COL5A3: variants seen among roughly 807,000 people sequenced by gnomAD.
COL5A3 encodes collagen alpha-3(V) chain.
COL5A3 carries 172 observed loss-of-function variants against 250.0 expected under a neutral mutation model. The ratio of observed to expected loss-of-function variants is 0.69; its 90% CI spans 0.61 to 0.78. COL5A3 has a LOEUF of 0.78. Ranked by LOEUF, COL5A3 falls within the 30% of genes least tolerant of loss-of-function variation. COL5A3 has a pLI of 0.00. For missense variants in COL5A3, 2,340 were observed against 2,334.4 expected (o/e 1.00, Z -0.05); for synonymous variants, 937 against 900.4 (o/e 1.04, Z -0.73).
In COL5A3 at chr19:9,967,984, C is replaced by T. The variant is rs538640420; in HGVS notation, c.4368+42G>A. On this transcript the variant is annotated intron_variant, in intron 60 of 66. Coordinates refer to ENST00000264828, the MANE Select transcript of COL5A3 (RefSeq NM_015719.4). Reference sequence around the variant, plus strand: ...AGAGCTGAGGTCCTGGCCTGGACCACCACAGTGACCTCATCCCACAAAAGA... The same window carrying T: ...AGAGCTGAGGTCCTGGCCTGGACCATCACAGTGACCTCATCCCACAAAAGA... 1.0e-4 allele frequency: 161 copies of T among 1,590,150 alleles called. 2 individuals carry two copies. In the South Asian group the frequency reaches 1.7e-3, roughly 17 times the overall value.
chr19:9,976,626 A>G lies in COL5A3; in HGVS notation c.3289-15T>C, dbSNP rs1599542141. ...CCAGGTGGGCCCTGGGAGAACAGGA[A>G]ACAGAATCAAAAATTCCCTCAGGTT... is the stretch of plus-strand genomic sequence containing the variant. On this transcript the variant is annotated splice_polypyrimidine_tract_variant and intron_variant, in intron 44 of 66. Coordinates refer to ENST00000264828, the MANE Select transcript of COL5A3 (RefSeq NM_015719.4). The G allele has an allele frequency of 1.3e-6, 2 of 1,571,012 alleles. No homozygotes were observed. The highest frequency in any genetic ancestry group is 2.4e-5 in the East Asian group (1 of 41,988).
At chr19:9,988,874 A>G (rs2087145839) in intron 27 of COL5A3, among the ~76,000 whole-genome samples, 1 of 150,528 alleles carries the variant, frequency 6.6e-6, no homozygotes, top group Admixed American at 6.6e-5. Context: ...TAAAGAAAAG[A>G]AAAGGAAAAA....
rs1480340347 is a variant in COL5A3 at position 9,996,744 on chromosome 19, GC to G, written c.1264-56del. ...AGACAGGGAGAGAGGGAGAGAGAGA[GC>G]GAGGACAGGGGAGGCACAGAAGGAT... On this transcript the variant is annotated intron_variant, in intron 11 of 66. Transcript: ENST00000264828. 5 of 1,398,550 alleles carry G rather than the reference GC, an allele frequency of 3.6e-6. No individual in the cohort carries two copies. In the East Asian group the frequency reaches 1.2e-4, roughly 34 times the overall value. The allele number at this position is 1,398,550 out of a possible 1,614,324, so 86.6% of individuals were successfully genotyped here. A position where few individuals can be genotyped will look rare whatever the true frequency, so the allele number is the denominator to read the frequency against.
intron 64 of COL5A3, among the ~76,000 whole-genome samples, chr19:9,965,041 T>C (rs907971657): frequency 4.6e-5 from 7 of 151,644 alleles, no homozygotes; most frequent in Non-Finnish European, 4.4e-5. Flanking sequence ...AGAGACAGAC[T>C]CTGTCTCACA....
rs1468058957 is a variant in COL5A3 at position 10,005,994 on chromosome 19, G to GCAGAGGGAACAAGGCAGCT, written c.248-28_248-10dup. ...CTCAGGAAAGTGGCCTTCTGGGTGGGCAGAGGGAACAAGGCAGCTCAGAGG... is the reference window on the plus strand; with the variant it reads ...CTCAGGAAAGTGGCCTTCTGGGTGGGCAGAGGGAACAAGGCAGCTCAGAGGGAACAAGGCAGCTCAGAGG... On this transcript the variant is annotated splice_polypyrimidine_tract_variant and intron_variant, in intron 2 of 66. Transcript: ENST00000264828. The GCAGAGGGAACAAGGCAGCT allele has an allele frequency of 6.2e-7, 1 of 1,612,588 alleles. No individual in the cohort carries two copies. The highest frequency in any genetic ancestry group is 8.5e-7 in the Non-Finnish European group (1 of 1,178,802).
intron 65 of COL5A3, 63 bp from the exon 66 acceptor site, chr19:9,960,953 C>T (rs961905595): frequency 1.9e-6 from 3 of 1,576,326 alleles, no homozygotes; most frequent in African/African-American, 1.3e-5. Context: ...GCAGAAGCCA[C>T]CCCCTGGAAT....
chr19:10,007,701 G>A (rs548974563), intron 1 of COL5A3, among the ~76,000 whole-genome samples: 123 of 152,340 alleles, frequency 8.1e-4, no homozygotes, highest in African/African-American at 1.8e-3. Flanking sequence ...GCTGGGGCGG[G>A]GGGGCTAAGA....
intron 45 of COL5A3, 149 bp from the exon 46 acceptor site, chr19:9,974,557 A>G (rs36094530): frequency 0.2 from 115,995 of 571,468 alleles, 12,675 homozygotes; most frequent in South Asian, 0.33. Flanking sequence ...GTTGGGGTCT[A>G]GGTTAAGGAA....
In COL5A3 at chr19:9,969,630, C is replaced by T; in HGVS notation, c.4043G>A (p.Arg1348Lys). 1.3e-6 allele frequency: 2 copies of T among 1,594,600 alleles called. No individual in the cohort carries two copies. The highest frequency in any genetic ancestry group is 2.3e-5 in the South Asian group (2 of 87,960). Residue 1348 changes from arginine to lysine, a missense_variant, in exon 56 of 67, where the codon AGA (arginine) becomes AAA (lysine). By Grantham distance (26) the Arg-to-Lys change is conservative (BLOSUM62 2). This residue lies in a region of COL5A3 where 1,179 missense variants were observed against 1,162.6 expected (regional missense o/e 1.01). Transcript: ENST00000264828. ...AGGCCCCACACGTCCAGGGGGCCCT[C>T]TAGCCCCCATTGGACCCGTCCTCCC... ...PPGRTGPMGA[R>K]GPPGRVGPEG...
intron 8 of COL5A3, among the ~76,000 whole-genome samples, chr19:10,000,450 C>CTTTTTTTTT (rs2087343590): frequency 1.0e-5 from 1 of 95,758 alleles, no homozygotes; most frequent in African/African-American, 4.0e-5. Flanking sequence ...AGCCAGAGAG[C>CTTTTTTTTT]TCTTTTTTTT....
chr19:9,986,210 G>A lies in COL5A3; in HGVS notation c.2352+105C>T, dbSNP rs2087097450. On this transcript the variant is annotated intron_variant, in intron 30 of 66. Coordinates refer to ENST00000264828, the MANE Select transcript of COL5A3 (RefSeq NM_015719.4). ...TGAGGAATTAAAGATGACAAGGTTGGTAGCAACCTCCTGAGGTCGAAGGTA... is the reference window on the plus strand; with the variant it reads ...TGAGGAATTAAAGATGACAAGGTTGATAGCAACCTCCTGAGGTCGAAGGTA... 50 of 775,864 alleles carry A rather than the reference G, an allele frequency of 6.4e-5. No individual in the cohort carries two copies. The South Asian group carries it at 8.4e-4, about 13-fold the overall frequency. The allele number at this position is 775,864 out of a possible 1,614,324, so 48.1% of individuals were successfully genotyped here.
chr19:9,976,591 C>T lies in COL5A3; in HGVS notation c.3309G>A (p.Gly1103=). 5 of 1,569,700 alleles carry T rather than the reference C, an allele frequency of 3.2e-6. No homozygotes were observed. The highest frequency in any genetic ancestry group is 4.3e-6 in the Non-Finnish European group (5 of 1,164,208). ...KGDAGPPGQP[G]IRGPAGHPGP... is the part of the protein sequence containing the mutation. ...CTGGGTGTCCTGCAGGACCCCGTAT[C>T]CCTGGTTGTCCAGGTGGGCCCTGGG... is the stretch of plus-strand genomic sequence containing the variant. The change falls in exon 45 of 67, where the codon GGG becomes GGA. Residue 1103 remains glycine, a synonymous_variant. Transcript: ENST00000264828.
At chr19:9,988,984 G>T (rs751633136) in intron 27 of COL5A3, 140 bp downstream of exon 27, 10 of 830,300 alleles carry the variant, frequency 1.2e-5, no homozygotes, top group Non-Finnish European at 2.0e-5. Context: ...TGGCTGTGCA[G>T]CTCCAAACCC....
chr19:9,973,010 A>G lies in COL5A3; in HGVS notation c.3683T>C (p.Ile1228Thr). 6.2e-7 allele frequency: 1 copy of G among 1,609,100 alleles called. No individual in the cohort carries two copies. Among genetic ancestry groups the G allele is most frequent in the Non-Finnish European group, 8.5e-7 (1 of 1,177,776 alleles). ...TGGGCCTGAGTCCCCCTTTTCACCA[A>G]TGTCTCCCTTGGGCCCCTTTACAGA... The part of the protein sequence containing the change: ...APGIPGPKGD[I>T]GEKGDSGPSG... The change falls in exon 51 of 67, where the codon ATT becomes ACT. Residue 1228 changes from isoleucine to threonine, a missense_variant. Physicochemically the swap from Ile to Thr is moderately conservative, Grantham distance 89 (BLOSUM62 -1). Coordinates refer to ENST00000264828, the MANE Select transcript of COL5A3 (RefSeq NM_015719.4).
At chr19:9,997,324 A>C (rs771525704) in intron 11 of COL5A3, 47 bp downstream of exon 11, 1 of 1,455,518 alleles carries the variant, frequency 6.9e-7, no homozygotes, top group South Asian at 1.2e-5. Context: ...TCCCAGCCCC[A>C]AACCTCACTC....
rs532980330 is a variant in COL5A3 at position 9,996,216 on chromosome 19, G to C, written c.1469C>G (p.Pro490Arg). Residue 490 changes from proline to arginine, a missense_variant, in exon 14 of 67, where the codon CCA becomes CGA. Pro to Arg is a moderately radical substitution (Grantham distance 103). Around this residue, in one of 3 missense-constraint regions of COL5A3, gnomAD observed 1,152 missense variants for 1,146.3 expected, o/e 1.00. Transcript: ENST00000264828. ...PPGPVGLTGR[P>R]GPVGLPGHPG... ...AGTCGCCTTACTCACCACAGGGCCT[G>C]GGCGCCCAGTGAGCCCCACTGGACC... is the stretch of plus-strand genomic sequence containing the variant. 6.3e-7 allele frequency: 1 copy of C among 1,575,724 alleles called. No individual in the cohort carries two copies. Among genetic ancestry groups the C allele is most frequent in the Non-Finnish European group, 8.6e-7 (1 of 1,163,194 alleles).
intron 45 of COL5A3, among the ~76,000 whole-genome samples, chr19:9,975,863 T>C (rs1209743313): frequency 2.0e-5 from 3 of 149,368 alleles, no homozygotes; most frequent in Non-Finnish European, 4.4e-5. Flanking sequence ...GAGTTCATAT[T>C]GGGTGTCGGT....
intron 21 of COL5A3, among the ~76,000 whole-genome samples, chr19:9,992,557 A>G (rs1018891776): frequency 1.3e-5 from 2 of 152,184 alleles, no homozygotes; most frequent in African/African-American, 4.8e-5. Flanking sequence ...TGGGAGGACC[A>G]CTTGAGGCCA....
chr19:9,980,895 G>T, intron 33 of COL5A3, 36 bp from the exon 34 acceptor site: 1 of 1,589,704 alleles, frequency 6.3e-7, no homozygotes, highest in East Asian at 2.3e-5. Context: ...CAGATATGAG[G>T]GGGTGGGGGA....
Sources: allele counts gnomAD v4.1 joint callset (sites outside exome capture counted in the v4.1 genomes callset), GRCh38; gene constraint gnomAD v4.1.1; regional missense constraint gnomAD v4.1.1; transcripts MANE v1.5; gene names NCBI Gene and HGNC (gene_info 2026-07-23, HGNC 2026-07-21).